Variants in MYLIP observed in about 807,000 individuals in gnomAD.
The protein encoded by MYLIP is myosin regulatory light chain interacting protein.
Under a neutral mutation model 45.8 loss-of-function variants are expected in MYLIP, and 26 were observed. That is an observed-to-expected ratio of 0.57 (90% CI 0.42 to 0.79). The LOEUF is 0.79. MYLIP is among the 30% of genes least tolerant of loss of function. MYLIP has a pLI of 0.00. For synonymous variants in MYLIP, 213 were observed against 218.1 expected (o/e 0.98, Z 0.21); for missense variants, 494 against 555.6 (o/e 0.89, Z 1.11).
At position 16,146,807 on chromosome 6, in the gene MYLIP, T is replaced by G. The variant is rs1759801590; in HGVS notation, c.*56T>G. ...TTCCATGAACTGCACTATTATAAAC[T>G]ATTAAAATGATAGATTGTGGAGAAA... On this transcript the variant is annotated 3_prime_UTR_variant, in exon 7 of 7. Coordinates refer to ENST00000356840, the MANE Select transcript of MYLIP (RefSeq NM_013262.4). 1.5e-6 allele frequency: 2 copies of G among 1,354,872 alleles called. No individual in the cohort carries two copies. Among genetic ancestry groups the G allele is most frequent in the South Asian group, 2.5e-5 (2 of 79,388 alleles). The allele number at this position is 1,354,872 out of a possible 1,614,324, so 83.9% of individuals were successfully genotyped here.
intron 2 of MYLIP, chr6:16,141,410 T>C (rs1759669282): frequency 2.4e-6 from 1 of 420,614 alleles, no homozygotes; most frequent in African/African-American, 2.0e-5. Flanking sequence ...AAGTTTATCT[T>C]GTTTGGGTCA....
the MYLIP span, chr6:16,161,437 G>A: frequency 6.2e-6 from 1 of 162,152 alleles, no homozygotes; most frequent in Non-Finnish European, 1.4e-5. Context: ...CACCTCAAGT[G>A]GGGAATGAGA....
At chr6:16,160,692 C>T in the MYLIP span, among the ~76,000 whole-genome samples, 1 of 152,158 alleles carries the variant, frequency 6.6e-6, no homozygotes, top group Non-Finnish European at 1.5e-5. Flanking sequence ...ATCTCAGTTA[C>T]TCAGGAGGCT....
At position 16,143,108 on chromosome 6, in the gene MYLIP, T is replaced by C. The variant is rs1241776785; in HGVS notation, c.553T>C (p.Tyr185His). The C allele has an allele frequency of 2.5e-6, 4 of 1,614,214 alleles. No individual in the cohort carries two copies. The highest frequency in any genetic ancestry group is 1.3e-5 in the African/African-American group (1 of 75,050). The change falls in exon 4 of 7, where the codon TAT becomes CAT. Residue 185 changes from tyrosine (Y) to histidine (H), a missense_variant. Transcript: ENST00000356840. ...VLQIVSAMEN[Y>H]GIEWHSVRDS... ...GCAGATTGTGTCGGCAATGGAAAAC[T>C]ATGGCATAGAATGGCATTCTGTGCG... is the stretch of plus-strand genomic sequence containing the variant.
At chr6:16,140,527 A>G (rs1301110376) in intron 2 of MYLIP, among the ~76,000 whole-genome samples, 3 of 152,180 alleles carry the variant, frequency 2.0e-5, no homozygotes, top group African/African-American at 2.4e-5. Context: ...TATACATGTT[A>G]TGTCAAATAC....
At chr6:16,139,598 A>G (rs1759624614) in intron 2 of MYLIP, among the ~76,000 whole-genome samples, 1 of 152,256 alleles carries the variant, frequency 6.6e-6, no homozygotes, top group Admixed American at 6.5e-5. Context: ...ATGGTCATCT[A>G]AGAAGCCTTT....
chr6:16,158,543 C>T, the MYLIP span, among the ~76,000 whole-genome samples: 1 of 152,156 alleles, frequency 6.6e-6, no homozygotes, highest in East Asian at 1.9e-4. Flanking sequence ...GGCATATATT[C>T]AGGAAGCAGA....
chr6:16,160,576 C>T, the MYLIP span, among the ~76,000 whole-genome samples: 41 of 152,216 alleles, frequency 2.7e-4, no homozygotes, highest in African/African-American at 9.1e-4. Flanking sequence ...CTGAGGCAGG[C>T]AGATCTCTTG....
chr6:16,155,055 T>C, the MYLIP span, among the ~76,000 whole-genome samples: 1 of 152,120 alleles, frequency 6.6e-6, no homozygotes, highest in Non-Finnish European at 1.5e-5. Flanking sequence ...TTATTACTCA[T>C]CTCCTTGCTG....
chr6:16,132,982 T>C (rs933491725), intron 2 of MYLIP, among the ~76,000 whole-genome samples: 3 of 152,230 alleles, frequency 2.0e-5, no homozygotes, highest in Non-Finnish European at 4.4e-5. Context: ...TATTAAATGA[T>C]GCTGAAATAT....
intron 1 of MYLIP, 81 bp from the exon 2 acceptor site, chr6:16,130,476 C>A: frequency 7.2e-7 from 1 of 1,385,594 alleles, no homozygotes; most frequent in Non-Finnish European, 9.9e-7. Flanking sequence ...AAAGCACCAG[C>A]AATCTTAGCC....
chr6:16,162,639 T>C, the MYLIP span, among the ~76,000 whole-genome samples: 2 of 151,800 alleles, frequency 1.3e-5, no homozygotes, highest in African/African-American at 4.8e-5. Flanking sequence ...TTTTATATTG[T>C]TTGTACTTAT....
chr6:16,150,969 C>T (rs112773896), downstream of MYLIP, among the ~76,000 whole-genome samples: 17 of 152,138 alleles, frequency 1.1e-4, no homozygotes, highest in African/African-American at 3.6e-4. Context: ...CAGGAGAGCA[C>T]GCATGGGTAA....
chr6:16,145,622 C>T (rs1414770286), intron 6 of MYLIP, among the ~76,000 whole-genome samples: 2 of 152,132 alleles, frequency 1.3e-5, no homozygotes, highest in Non-Finnish European at 2.9e-5. Context: ...TCCAGGCCTC[C>T]TGAGGCCTGG....
At chr6:16,149,627 G>A (rs1331365255), downstream of MYLIP, among the ~76,000 whole-genome samples, 1 of 152,230 alleles carries the variant, frequency 6.6e-6, no homozygotes, top group Admixed American at 6.5e-5. Flanking sequence ...GGTTTAACAT[G>A]GACATGGTTC....
chr6:16,159,993 G>C, the MYLIP span, among the ~76,000 whole-genome samples: 38 of 152,182 alleles, frequency 2.5e-4, no homozygotes, highest in African/African-American at 8.9e-4. Flanking sequence ...ACAATATGCT[G>C]TCCCTAGCTC....
chr6:16,137,243 A>G (rs1246412238), intron 2 of MYLIP, among the ~76,000 whole-genome samples: 2 of 152,208 alleles, frequency 1.3e-5, no homozygotes, highest in Non-Finnish European at 2.9e-5. Context: ...TTCTGTTGTG[A>G]TTTGATAGCT....
intron 2 of MYLIP, among the ~76,000 whole-genome samples, chr6:16,131,935 T>C (rs887943658): frequency 2.0e-5 from 3 of 152,210 alleles, no homozygotes; most frequent in African/African-American, 7.2e-5. Context: ...ATTCAAGTGA[T>C]TGCATGCTTA....
chr6:16,154,472 TG>T, the MYLIP span, among the ~76,000 whole-genome samples: 1 of 152,096 alleles, frequency 6.6e-6, no homozygotes, highest in Non-Finnish European at 1.5e-5. Context: ...CACAGAGAGC[TG>T]GAGTGACTTG....
Sources: allele counts gnomAD v4.1 joint callset (sites outside exome capture counted in the v4.1 genomes callset), GRCh38; gene constraint gnomAD v4.1.1; transcripts MANE v1.5; gene names NCBI Gene and HGNC (gene_info 2026-07-23, HGNC 2026-07-21).